COBL: variants seen among roughly 807,000 people sequenced by gnomAD.
COBL encodes protein cordon-bleu.
A neutral mutation model predicts 98.8 loss-of-function variants in COBL; 51 were observed. The observed-to-expected ratio is 0.52, with a 90% CI of 0.41 to 0.65. COBL has a LOEUF of 0.65. COBL is among the 30% of genes least tolerant of loss of function. The probability of loss-of-function intolerance (pLI) is 0.00; values close to 1 mark genes in which losing one functional copy is unlikely to be tolerated. For synonymous variants in COBL, 634 were observed against 651.7 expected (o/e 0.97, Z 0.41); for missense variants, 1,617 against 1,617.5 (o/e 1.00, Z 0.01).
At chr7:51,135,646 T>G (rs1412635902) in intron 6 of COBL, among the ~76,000 whole-genome samples, 2 of 152,198 alleles carry the variant, frequency 1.3e-5, no homozygotes, top group Non-Finnish European at 2.9e-5. Flanking sequence ...AAAGGGGCTT[T>G]GAACCTAAAG....
intron 5 of COBL, among the ~76,000 whole-genome samples, chr7:51,155,301 C>T (rs978554398): frequency 1.3e-5 from 2 of 152,050 alleles, no homozygotes; most frequent in African/African-American, 2.4e-5. Context: ...AAAGACTGTA[C>T]AGTTCCAGCC....
At chr7:51,076,230 C>T (rs530742507) in intron 7 of COBL, among the ~76,000 whole-genome samples, 35 of 152,324 alleles carry the variant, frequency 2.3e-4, no homozygotes, top group South Asian at 4.1e-4. Flanking sequence ...CTAACTGCTT[C>T]GTTTTGAAAT....
At chr7:51,131,139 G>A (rs749088335) in intron 6 of COBL, among the ~76,000 whole-genome samples, 1 of 152,136 alleles carries the variant, frequency 6.6e-6, no homozygotes, top group Non-Finnish European at 1.5e-5. Context: ...ATAATCTTGA[G>A]ATCACAGAGA....
Position 51,159,631 on chromosome 7 carries a change from A to G in COBL, c.784-23300T>C, listed in dbSNP as rs998069026. On this transcript the variant is annotated intron_variant, in intron 5 of 12. Coordinates refer to ENST00000265136, the MANE Select transcript of COBL (RefSeq NM_015198.5). The stretch of plus-strand genomic sequence containing the variant: ...TACGGAAAACCAGTATTTGAAAGGG[A>G]CGTTTTCTACCTCAGTATCCTTACA... Among the ~76,000 whole-genome samples the G allele has an allele frequency of 2.0e-5, 3 of 152,128 alleles. No homozygotes were observed. The South Asian group carries it at 6.2e-4, about 32-fold the overall frequency.
chr7:51,189,650 G>C (rs545223899), intron 4 of COBL, among the ~76,000 whole-genome samples: 1 of 151,564 alleles, frequency 6.6e-6, no homozygotes, highest in African/African-American at 2.4e-5. Flanking sequence ...ATAAAAAAAA[G>C]AGAAAAAATA....
At chr7:51,248,146 A>C (rs781098033) in intron 1 of COBL, among the ~76,000 whole-genome samples, 23 of 152,218 alleles carry the variant, frequency 1.5e-4, no homozygotes, top group Non-Finnish European at 2.5e-4. Flanking sequence ...TTGCACACAG[A>C]ATTGTAACAC....
At chr7:51,246,609 A>T (rs1257606366) in intron 1 of COBL, among the ~76,000 whole-genome samples, 1 of 152,214 alleles carries the variant, frequency 6.6e-6, no homozygotes, top group East Asian at 1.9e-4. Context: ...ATGCTATTAG[A>T]TCTGGGCCAT....
intron 7 of COBL, among the ~76,000 whole-genome samples, chr7:51,044,660 C>G (rs79472764): frequency 0.014 from 2,064 of 152,182 alleles, 29 homozygotes; most frequent in African/African-American, 0.047. Flanking sequence ...TGTTGCAGTC[C>G]CAGTGTATTT....
chr7:51,276,462 C>T (rs1291636049), intron 1 of COBL, among the ~76,000 whole-genome samples: 1 of 152,226 alleles, frequency 6.6e-6, no homozygotes, highest in Admixed American at 6.5e-5. Flanking sequence ...GGTGGCCTTG[C>T]CTGCCACAAG....
intron 7 of COBL, among the ~76,000 whole-genome samples, chr7:51,061,311 A>G (rs1791334612): frequency 6.6e-6 from 1 of 152,172 alleles, no homozygotes; most frequent in African/African-American, 2.4e-5. Context: ...AACATGGGAC[A>G]TACGCGACTT....
chr7:51,243,734 C>T (rs760761853), intron 1 of COBL, among the ~76,000 whole-genome samples: 14 of 152,134 alleles, frequency 9.2e-5, no homozygotes, highest in Non-Finnish European at 1.2e-4. Context: ...TAGTGATTGT[C>T]GGAGTTGGGG....
At chr7:51,131,478 C>G (rs1798727028) in intron 6 of COBL, among the ~76,000 whole-genome samples, 1 of 151,960 alleles carries the variant, frequency 6.6e-6, no homozygotes, top group South Asian at 2.1e-4. Context: ...TGTAACATGC[C>G]AGGTATTATA....
chr7:51,092,177 T>C (rs539610197), intron 6 of COBL, among the ~76,000 whole-genome samples: 72 of 152,322 alleles, frequency 4.7e-4, no homozygotes, highest in African/African-American at 1.5e-3. Flanking sequence ...GGGAATCTAA[T>C]GTCTGATGAT....
intron 6 of COBL, among the ~76,000 whole-genome samples, chr7:51,109,604 G>A (rs902019871): frequency 2.1e-4 from 32 of 151,792 alleles, no homozygotes; most frequent in African/African-American, 4.8e-4. Context: ...CCTCTCTGTC[G>A]TTCTGTCTCT....
intron 1 of COBL, among the ~76,000 whole-genome samples, chr7:51,245,851 T>C (rs1429315528): frequency 6.6e-6 from 1 of 152,214 alleles, no homozygotes; most frequent in Non-Finnish European, 1.5e-5. Context: ...TAAAGTTTTC[T>C]TATTGACATT....
chr7:51,294,331 A>T (rs7458313), intron 1 of COBL, among the ~76,000 whole-genome samples: 8 of 130,008 alleles, frequency 6.2e-5, no homozygotes, highest in East Asian at 4.3e-4. Context: ...TAAATAAATA[A>T]AAATAAATAA....
chr7:51,123,702 C>T (rs1797943949), intron 6 of COBL, among the ~76,000 whole-genome samples: 1 of 152,222 alleles, frequency 6.6e-6, no homozygotes, highest in Non-Finnish European at 1.5e-5. Flanking sequence ...CCAGCAAATG[C>T]ATGACTTCCC....
At chr7:51,190,820 G>A (rs1001029359) in intron 4 of COBL, 30 bp downstream of exon 4, 2 of 1,575,800 alleles carry the variant, frequency 1.3e-6, no homozygotes, top group African/African-American at 1.3e-5. Flanking sequence ...GTGATTATGG[G>A]CAGGTGCGTG....
chr7:51,085,797 G>A (rs1562890892), intron 6 of COBL, among the ~76,000 whole-genome samples: 1 of 152,212 alleles, frequency 6.6e-6, no homozygotes, highest in Non-Finnish European at 1.5e-5. Context: ...GCATGTTCAC[G>A]TTCCAGAGCA....
Sources: allele counts gnomAD v4.1 joint callset (sites outside exome capture counted in the v4.1 genomes callset), GRCh38; gene constraint gnomAD v4.1.1; transcripts MANE v1.5; gene names NCBI Gene and HGNC (gene_info 2026-07-23, HGNC 2026-07-21).